Variants in SCP2 observed in about 807,000 individuals in gnomAD.
SCP2 encodes SCP-2/3-oxoacyl-CoA thiolase.
A neutral mutation model predicts 71.4 loss-of-function variants in SCP2; 48 were observed. The ratio of observed to expected loss-of-function variants is 0.67; its 90% CI spans 0.53 to 0.86. The LOEUF (loss-of-function observed/expected upper bound fraction) is 0.86. Ranked by LOEUF, SCP2 falls within the 40% of genes least tolerant of loss-of-function variation. The pLI, the probability that SCP2 is intolerant of heterozygous loss-of-function variation, is 0.00. For missense variants in SCP2, 560 were observed against 655.6 expected (o/e 0.85, Z 1.59); for synonymous variants, 220 against 218.1 (o/e 1.01, Z -0.08).
chr1:53,004,579 C>A (rs553881985), intron 11 of SCP2, among the ~76,000 whole-genome samples: 4 of 152,322 alleles, frequency 2.6e-5, no homozygotes, highest in South Asian at 4.1e-4. Context: ...TCCTCCCCAC[C>A]CTTGCGATAA....
At chr1:53,009,194 G>A (rs376830299) in intron 11 of SCP2, among the ~76,000 whole-genome samples, 13 of 152,044 alleles carry the variant, frequency 8.6e-5, no homozygotes, top group South Asian at 2.1e-4. Flanking sequence ...GAAAATGGCC[G>A]TACTGCCCAA....
At chr1:52,994,013 T>G in intron 11 of SCP2, 1 of 1,214,866 alleles carries the variant, frequency 8.2e-7, no homozygotes, top group Admixed American at 3.7e-5. Context: ...AAATTTGTTT[T>G]CTAGCGTGAC....
intron 7 of SCP2, among the ~76,000 whole-genome samples, chr1:52,976,280 C>T (rs1178026716): frequency 6.6e-6 from 1 of 152,094 alleles, no homozygotes; most frequent in East Asian, 1.9e-4. Context: ...AATCTCCAGC[C>T]TTCCTCTTCT....
chr1:52,931,500 A>C (rs776380295), intron 1 of SCP2, among the ~76,000 whole-genome samples: 51 of 152,246 alleles, frequency 3.3e-4, no homozygotes, highest in Non-Finnish European at 8.8e-5. Flanking sequence ...CCAAGTTGAA[A>C]AAAAGGGAAT....
In SCP2 at chr1:52,964,959, C is replaced by T. The variant is rs1488289099; in HGVS notation, c.523+3330C>T. On this transcript the variant is annotated intron_variant, in intron 6 of 15. Coordinates refer to ENST00000371514, the MANE Select transcript of SCP2 (RefSeq NM_002979.5). ...AACCCGAGAGGTAGAGGTTGTGAGC[C>T]GAGATCGCGCCACTGCACTCTAGCC... Among the ~76,000 whole-genome samples, 6 of 152,166 alleles carry T rather than the reference C, an allele frequency of 3.9e-5. No homozygotes were observed. The East Asian group carries it at 5.8e-4, about 15-fold the overall frequency.
At chr1:52,973,143 A>G (rs1657641870) in intron 6 of SCP2, among the ~76,000 whole-genome samples, 1 of 152,240 alleles carries the variant, frequency 6.6e-6, no homozygotes, top group Non-Finnish European at 1.5e-5. Context: ...AGTTAGTGCT[A>G]GAAACTTTTC....
In SCP2 at chr1:53,034,272, TA is replaced by T. The variant is rs879389032; in HGVS notation, c.1339-4633del. On this transcript the variant is annotated intron_variant, in intron 13 of 15. Coordinates refer to ENST00000371514, the MANE Select transcript of SCP2 (RefSeq NM_002979.5). ...GCCTGGGTGACAGAGTGACTCCATTTAAAAAAAAAAAAGATTGAAAGACTGA... is the reference window on the plus strand; with the variant it reads ...GCCTGGGTGACAGAGTGACTCCATTTAAAAAAAAAAAGATTGAAAGACTGA... 1.9e-3 allele frequency among the ~76,000 whole-genome samples: 279 copies of T among 143,370 alleles called. 1 individual carries two copies. The highest frequency in any genetic ancestry group is 7.1e-3 in the Middle Eastern group (2 of 282). 94.1% of individuals were successfully genotyped at this position (143,370 alleles called of 152,430 possible).
At chr1:53,037,164 A>G (rs934028224) in intron 13 of SCP2, among the ~76,000 whole-genome samples, 1 of 151,822 alleles carries the variant, frequency 6.6e-6, no homozygotes, top group African/African-American at 2.4e-5. Context: ...ATAAATGATG[A>G]ATGATTTATA....
At chr1:53,033,604 C>CAAA (rs59576285) in intron 13 of SCP2, among the ~76,000 whole-genome samples, 1 of 79,692 alleles carries the variant, frequency 1.3e-5, no homozygotes, top group Non-Finnish European at 3.1e-5. Flanking sequence ...AACTCCATTT[C>CAAA]AAAAAAAAAA....
At position 53,041,272 on chromosome 1, in the gene SCP2, C is replaced by T. The variant is rs879288046; in HGVS notation, c.1468+2226C>T. ...CAAAAAATTAGCTGGGTGTGTGGTG[C>T]GTGCCTGTAATCCCAGCTACTTGGG... On this transcript the variant is annotated intron_variant, in intron 14 of 15. Coordinates refer to ENST00000371514, the MANE Select transcript of SCP2 (RefSeq NM_002979.5). Among the ~76,000 whole-genome samples, 6 of 151,828 alleles carry T rather than the reference C, an allele frequency of 4.0e-5. No homozygotes were observed. In the South Asian group the frequency reaches 8.3e-4, roughly 21 times the overall value.
At chr1:52,987,850 G>A (rs1380579191) in intron 10 of SCP2, among the ~76,000 whole-genome samples, 179 bp from the exon 11 acceptor site, 1 of 152,138 alleles carries the variant, frequency 6.6e-6, no homozygotes, top group East Asian at 1.9e-4. Context: ...TACAGGAAAT[G>A]TTCTGAAAAT....
At position 52,982,353 on chromosome 1, in the gene SCP2, G is replaced by A. The variant is rs141590911; in HGVS notation, c.973+1810G>A. On this transcript the variant is annotated intron_variant, in intron 10 of 15. Transcript: ENST00000371514. Reference sequence around the variant, plus strand: ...TGGGAGGCCAAGGCGGGCAGATAACGAGGTCAGGAGATCGAGACCATCCTG... The same window carrying A: ...TGGGAGGCCAAGGCGGGCAGATAACAAGGTCAGGAGATCGAGACCATCCTG... Among the ~76,000 whole-genome samples the A allele has an allele frequency of 2.2e-3, 331 of 152,234 alleles. 2 individuals carry two copies. Among genetic ancestry groups the A allele is most frequent in the African/African-American group, 7.5e-3 (311 of 41,526 alleles).
intron 11 of SCP2, chr1:52,993,577 C>A: frequency 6.2e-7 from 1 of 1,611,462 alleles, no homozygotes; most frequent in South Asian, 1.1e-5. Context: ...ACTGTTCTCT[C>A]ATGGCTCCAA....
intron 8 of SCP2, among the ~76,000 whole-genome samples, chr1:52,977,392 G>A (rs982603378): frequency 6.6e-6 from 1 of 152,188 alleles, no homozygotes. Context: ...AAGACTTCTT[G>A]TGTTTGCTAC....
chr1:52,987,737 AT>A (rs1353801725), intron 10 of SCP2, among the ~76,000 whole-genome samples: 2 of 152,216 alleles, frequency 1.3e-5, no homozygotes, highest in African/African-American at 4.8e-5. Context: ...ATAGCATTAT[AT>A]CCATTTCAGT....
intron 3 of SCP2, among the ~76,000 whole-genome samples, chr1:52,948,947 A>ATTTT (rs35066602): frequency 3.4e-5 from 5 of 146,412 alleles, no homozygotes; most frequent in Non-Finnish European, 3.0e-5. Flanking sequence ...CCCCAACAAC[A>ATTTT]TTTTTTTTTT....
intron 11 of SCP2, chr1:52,993,843 A>G: frequency 6.7e-7 from 1 of 1,502,236 alleles, no homozygotes; most frequent in Non-Finnish European, 8.9e-7. Flanking sequence ...TCATGCATTT[A>G]TACAACATTA....
At chr1:52,969,765 G>T (rs1378392978) in intron 6 of SCP2, among the ~76,000 whole-genome samples, 1 of 152,084 alleles carries the variant, frequency 6.6e-6, no homozygotes, top group Non-Finnish European at 1.5e-5. Flanking sequence ...AGGTTGCAGT[G>T]AGCTGAGATT....
chr1:53,045,854 T>C (rs980087624), intron 14 of SCP2, among the ~76,000 whole-genome samples: 1 of 152,216 alleles, frequency 6.6e-6, no homozygotes, highest in Non-Finnish European at 1.5e-5. Context: ...TGTCCCTCTA[T>C]AGTCAGCCCC....
Sources: gnomAD v4.1 joint callset for allele counts (sites outside exome capture counted in the v4.1 genomes callset) on GRCh38, gnomAD v4.1.1 for gene constraint, MANE v1.5 for transcripts, NCBI Gene and HGNC (gene_info 2026-07-23, HGNC 2026-07-21) for gene names.